UVSSA: variants seen among roughly 807,000 people sequenced by gnomAD.
UVSSA encodes UV-stimulated scaffold protein A.
UVSSA carries 72 observed loss-of-function variants against 73.9 expected under a neutral mutation model. The observed-to-expected ratio is 0.97, with a 90% CI of 0.81 to 1.19. The LOEUF is 1.19. UVSSA is among the 50% of genes most tolerant of loss of function. UVSSA has a pLI of 0.00. For missense variants in UVSSA, 1,150 were observed against 965.0 expected, an observed-to-expected ratio of 1.19 and a Z score of -2.54; for synonymous variants, 454 against 391.3, an observed-to-expected ratio of 1.16 and a Z score of -1.89.
At chr4:1,379,484 G>C (rs1310331759) in intron 10 of UVSSA, among the ~76,000 whole-genome samples, 1 of 144,242 alleles carries the variant, frequency 6.9e-6, no homozygotes, top group Non-Finnish European at 1.5e-5. Flanking sequence ...ACGCACCTGG[G>C]ACGCCTGGGA....
At chr4:1,394,914 T>C (rs1720495667) in exon 14 of UVSSA, 1 of 1,548,988 alleles carries the variant, frequency 6.5e-7, no homozygotes, top group African/African-American at 1.7e-5. Flanking sequence ...CCATGCGGAG[T>C]GCCCGCCTGC....
intron 12 of UVSSA, among the ~76,000 whole-genome samples, chr4:1,382,661 T>C (rs1048363986): frequency 3.4e-4 from 52 of 152,192 alleles, no homozygotes; most frequent in African/African-American, 1.1e-3. Flanking sequence ...GGAGATAAAC[T>C]GTTTGGACAG....
chr4:1,379,838 G>C (rs1365680379), intron 10 of UVSSA, among the ~76,000 whole-genome samples: 1 of 30,136 alleles, frequency 3.3e-5, no homozygotes, highest in African/African-American at 2.3e-4. Context: ...TCAGACGCAG[G>C]CGGTCGTGCC....
At chr4:1,374,100 G>A (rs934474019) in intron 8 of UVSSA, among the ~76,000 whole-genome samples, 3 of 152,172 alleles carry the variant, frequency 2.0e-5, no homozygotes, top group African/African-American at 7.2e-5. Flanking sequence ...GGGCCAGGAC[G>A]CCTTGCTCGG....
At chr4:1,374,102 C>T (rs1316786601) in intron 8 of UVSSA, among the ~76,000 whole-genome samples, 2 of 152,230 alleles carry the variant, frequency 1.3e-5, no homozygotes, top group African/African-American at 4.8e-5. Context: ...GCCAGGACGC[C>T]TTGCTCGGTC....
At chr4:1,346,501 G>A (rs1713700957), upstream of UVSSA, among the ~76,000 whole-genome samples, 1 of 152,204 alleles carries the variant, frequency 6.6e-6, no homozygotes, top group African/African-American at 2.4e-5. Flanking sequence ...GACGGACGGC[G>A]CCTCTGCTTC....
exon 14 of UVSSA, chr4:1,394,622 A>ACG (rs1720479571): frequency 7.1e-7 from 1 of 1,401,796 alleles, no homozygotes; most frequent in Non-Finnish European, 9.4e-7. Context: ...CTGCTCACAC[A>ACG]TGTCGATGCG....
intron 8 of UVSSA, among the ~76,000 whole-genome samples, chr4:1,370,423 C>T (rs147804904): frequency 4.6e-5 from 7 of 152,348 alleles, no homozygotes; most frequent in African/African-American, 9.6e-5. Flanking sequence ...GTGCGCGCCT[C>T]GGGGCTGGAG....
chr4:1,350,822 G>A (rs532871873), intron 3 of UVSSA, among the ~76,000 whole-genome samples: 7 of 151,612 alleles, frequency 4.6e-5, no homozygotes, highest in Middle Eastern at 3.4e-3. Context: ...TCTTGGCCAC[G>A]CATGGGTGCT....
At chr4:1,374,582 G>A (rs1389710431) in intron 8 of UVSSA, among the ~76,000 whole-genome samples, 2 of 152,248 alleles carry the variant, frequency 1.3e-5, no homozygotes, top group Non-Finnish European at 2.9e-5. Context: ...GGACGTTGGT[G>A]AGACGCAGCG....
intron 12 of UVSSA, 117 bp downstream of exon 12, chr4:1,381,105 A>G: frequency 1.0e-6 from 1 of 965,676 alleles, no homozygotes; most frequent in Non-Finnish European, 1.5e-6. Flanking sequence ...TCGTCCATGG[A>G]GCTACAAGCC....
At position 1,380,872 on chromosome 4, in the gene UVSSA, C is replaced by T. The variant is rs757105232; in HGVS notation, c.1753-8C>T. 2.5e-6 allele frequency: 4 copies of T among 1,611,374 alleles called. No individual in the cohort carries two copies. The highest frequency in any genetic ancestry group is 4.5e-5 in the East Asian group (2 of 44,836). On this transcript the variant is annotated splice_polypyrimidine_tract_variant and splice_region_variant and intron_variant, in intron 11 of 13. Transcript: ENST00000389851. ...CCCGCCATCAGCCACCGTGTCCTCGCTGTGCAGTGCCCTTTCCATGGGAAG... is the reference window on the plus strand; with the variant it reads ...CCCGCCATCAGCCACCGTGTCCTCGTTGTGCAGTGCCCTTTCCATGGGAAG...
chr4:1,390,147 A>G (rs1053004399), downstream of UVSSA: 3 of 152,070 alleles, frequency 2.0e-5, no homozygotes, highest in African/African-American at 7.2e-5. Flanking sequence ...TTCATCCCTT[A>G]AGTTCTGCTA....
chr4:1,357,666 C>T (rs1197411663), intron 7 of UVSSA, among the ~76,000 whole-genome samples: 1 of 152,166 alleles, frequency 6.6e-6, no homozygotes, highest in Non-Finnish European at 1.5e-5. Context: ...ATGCAGACTC[C>T]CCCTGTGTGC....
At position 1,349,427 on chromosome 4, in the gene UVSSA, C is replaced by A. The variant is rs1207126020; in HGVS notation, c.99-97C>A. ...TGAAGATGGGAAGGCAGTGGTGGTC[C>A]CTGCCACACGTGCGTGCGGCATCCA... On this transcript the variant is annotated intron_variant, in intron 2 of 13. Transcript: ENST00000389851. 4.2e-6 allele frequency: 5 copies of A among 1,178,000 alleles called. No homozygotes were observed. In the Admixed American group the frequency reaches 1.2e-4, roughly 27 times the overall value. 73.0% of individuals were successfully genotyped at this position (1,178,000 alleles called of 1,614,324 possible). A position where few individuals can be genotyped will look rare whatever the true frequency, so the allele number is the denominator to read the frequency against.
At chr4:1,355,340 G>A (rs1440052947) in intron 7 of UVSSA, 95 bp downstream of exon 7, 1 of 1,285,152 alleles carries the variant, frequency 7.8e-7, no homozygotes, top group Non-Finnish European at 1.1e-6. Context: ...TGTGGGCCCG[G>A]CGGACCCCAG....
At chr4:1,390,721 G>T (rs1034683585), downstream of UVSSA, 1 of 152,326 alleles carries the variant, frequency 6.6e-6, no homozygotes, top group Non-Finnish European at 1.5e-5. Context: ...TATCTATCCT[G>T]CTCTTGTTGG....
chr4:1,383,839 C>CG lies in UVSSA; in HGVS notation c.1938dup (p.Lys647GlufsTer20), dbSNP rs1560488928. 4.3e-6 allele frequency: 7 copies of CG among 1,613,452 alleles called. No individual in the cohort carries two copies. The highest frequency in any genetic ancestry group is 5.9e-6 in the Non-Finnish European group (7 of 1,179,990). On this transcript the variant is annotated frameshift_variant, in exon 13 of 14. Coordinates refer to ENST00000389851, the MANE Select transcript of UVSSA (RefSeq NM_020894.4). LOFTEE classifies it high-confidence loss of function. ...AGGATCTCGGCTCATCCAGGTACAG[C>CG]GGGAAAGGCAGGGGGAAGAAGAGGA...
At position 1,366,413 on chromosome 4, in the gene UVSSA, C is replaced by G. The variant is rs1193574578; in HGVS notation, c.1270C>G (p.His424Asp). The G allele has an allele frequency of 1.9e-6, 3 of 1,611,664 alleles. No individual in the cohort carries two copies. Among genetic ancestry groups the G allele is most frequent in the East Asian group, 2.2e-5 (1 of 44,850 alleles). Residue 424 changes from histidine (H) to aspartate (D), a missense_variant, in exon 8 of 14, where the codon CAC becomes GAC. By Grantham distance (81) the His-to-Asp change is moderately conservative. Coordinates refer to ENST00000389851, the MANE Select transcript of UVSSA (RefSeq NM_020894.4). ...GGGGTATGAGCCACACATCCCCGAC[C>G]ACTTGCGGCCTGAGTATGGTGAGCA... ...KEGYEPHIPDHLRPEYGLEAA... is the reference protein window; with the variant it reads ...KEGYEPHIPDDLRPEYGLEAA...
Sources: gnomAD v4.1 joint callset for allele counts (sites outside exome capture counted in the v4.1 genomes callset) on GRCh38, gnomAD v4.1.1 for gene constraint, MANE v1.5 for transcripts, NCBI Gene and HGNC (gene_info 2026-07-23, HGNC 2026-07-21) for gene names.